CDK5RAP2: variants seen among roughly 807,000 people sequenced by gnomAD.
The protein encoded by CDK5RAP2 is CDK5 regulatory subunit associated protein 2.
A neutral mutation model predicts 232.9 loss-of-function variants in CDK5RAP2; 147 were observed. That is an observed-to-expected ratio of 0.63 (90% confidence interval 0.55 to 0.72). CDK5RAP2 has a LOEUF of 0.72. Ranked by LOEUF, CDK5RAP2 falls within the 30% of genes least tolerant of loss-of-function variation. CDK5RAP2 has a pLI of 0.00. For synonymous variants in CDK5RAP2, 833 were observed against 833.7 expected (o/e 1.00, Z 0.01); for missense variants, 2,195 against 2,231.5 (o/e 0.98, Z 0.33).
rs538954266 is a variant in CDK5RAP2 at position 120,552,029 on chromosome 9, A to G, written c.196-1127T>C. Among the ~76,000 whole-genome samples, 52 of 152,048 alleles carry G rather than the reference A, an allele frequency of 3.4e-4. No individual in the cohort carries two copies. The East Asian group carries it at 6.4e-3, about 19-fold the overall frequency. ...CAAACAACCCCATCAAAAAGTGGGC[A>G]AAGGATATGAACAGACACTTCTCAA... On this transcript the variant is annotated intron_variant, in intron 3 of 37. Transcript: ENST00000349780.
At chr9:120,389,316 G>A (rs774132444) in intron 37 of CDK5RAP2, 24 bp from the exon 38 acceptor site, 2 of 1,603,016 alleles carry the variant, frequency 1.2e-6, no homozygotes, top group Admixed American at 1.7e-5. Flanking sequence ...GAAAAAAAAG[G>A]AGAATTTTAA....
chr9:120,457,121 G>A (rs958821180), intron 20 of CDK5RAP2, among the ~76,000 whole-genome samples: 4 of 152,254 alleles, frequency 2.6e-5, no homozygotes, highest in Non-Finnish European at 4.4e-5. Context: ...ACTGTGAGAG[G>A]GGGATTTTTT....
chr9:120,531,110 C>T (rs2041132431), intron 7 of CDK5RAP2, among the ~76,000 whole-genome samples: 1 of 152,134 alleles, frequency 6.6e-6, no homozygotes, highest in African/African-American at 2.4e-5. Context: ...GCCCTGCCGA[C>T]AGCTTCAGTC....
At chr9:120,401,342 C>T (rs1213923512) in intron 34 of CDK5RAP2, among the ~76,000 whole-genome samples, 3 of 152,000 alleles carry the variant, frequency 2.0e-5, no homozygotes, top group Admixed American at 1.3e-4. Flanking sequence ...TCAAATTGGG[C>T]GGTATCAAGG....
intron 12 of CDK5RAP2, among the ~76,000 whole-genome samples, chr9:120,512,863 A>T (rs1171822781): frequency 6.6e-6 from 1 of 151,574 alleles, no homozygotes; most frequent in Non-Finnish European, 1.5e-5. Flanking sequence ...AATCTTTGTA[A>T]ACTGTAAAGT....
intron 36 of CDK5RAP2, among the ~76,000 whole-genome samples, chr9:120,392,727 T>G (rs985317756): frequency 3.3e-5 from 5 of 152,098 alleles, no homozygotes; most frequent in Non-Finnish European, 7.4e-5. Flanking sequence ...TCTCTACGAG[T>G]GACACGAAAC....
intron 1 of CDK5RAP2, among the ~76,000 whole-genome samples, chr9:120,579,128 CA>C (rs1274434810): frequency 6.6e-6 from 1 of 152,172 alleles, no homozygotes; most frequent in Non-Finnish European, 1.5e-5. Context: ...TGGGGACTCC[CA>C]CAGTCTCTTG....
chr9:120,400,484 G>A (rs1451533105), intron 35 of CDK5RAP2, among the ~76,000 whole-genome samples: 3 of 152,214 alleles, frequency 2.0e-5, no homozygotes, highest in Admixed American at 2.0e-4. Flanking sequence ...TCAGCTCCCT[G>A]AGTCCTGGTT....
At chr9:120,498,735 A>AT (rs2039435666) in intron 12 of CDK5RAP2, among the ~76,000 whole-genome samples, 1 of 151,866 alleles carries the variant, frequency 6.6e-6, no homozygotes, top group South Asian at 2.1e-4. Context: ...ATATATATAT[A>AT]TATCAACGGG....
intron 12 of CDK5RAP2, among the ~76,000 whole-genome samples, chr9:120,500,444 T>C (rs1375906431): frequency 6.6e-6 from 1 of 152,234 alleles, no homozygotes; most frequent in Non-Finnish European, 1.5e-5. Context: ...TGGGAGTTTT[T>C]TGTTGCACCA....
At chr9:120,571,172 T>C (rs2042842990) in intron 2 of CDK5RAP2, among the ~76,000 whole-genome samples, 1 of 151,890 alleles carries the variant, frequency 6.6e-6, no homozygotes, top group Non-Finnish European at 1.5e-5. Flanking sequence ...AAATAAAAAG[T>C]AAAAATAAAG....
intron 3 of CDK5RAP2, among the ~76,000 whole-genome samples, chr9:120,560,107 C>G (rs971658416): frequency 6.6e-6 from 1 of 152,222 alleles, no homozygotes; most frequent in Admixed American, 6.5e-5. Context: ...CCACCCAAGA[C>G]AGCAAGAGCT....
At position 120,547,153 on chromosome 9, in the gene CDK5RAP2, T is replaced by C. The variant is rs142346679; in HGVS notation, c.307-1363A>G. 2.6e-3 allele frequency among the ~76,000 whole-genome samples: 390 copies of C among 152,068 alleles called. 4 individuals are homozygous for C. The highest frequency in any genetic ancestry group is 9.0e-3 in the African/African-American group (372 of 41,534). On this transcript the variant is annotated intron_variant, in intron 4 of 37. Transcript: ENST00000349780. ...GTAGGCACCTGCAACCACGCCCAGC[T>C]AATTTTTTGTATTTTTAGTTGAGAC...
chr9:120,555,307 A>AT (rs1029600197), intron 3 of CDK5RAP2, among the ~76,000 whole-genome samples: 9 of 150,710 alleles, frequency 6.0e-5, no homozygotes, highest in Non-Finnish European at 7.4e-5. Context: ...AAGTTTTTGT[A>AT]TTTTTTTTTA....
At chr9:120,396,799 ATTG>A (rs1274625485) in intron 35 of CDK5RAP2, among the ~76,000 whole-genome samples, 2 of 152,206 alleles carry the variant, frequency 1.3e-5, no homozygotes, top group African/African-American at 4.8e-5. Flanking sequence ...GGGAATTTTA[ATTG>A]TTTACATGTC....
At chr9:120,445,450 C>A (rs575546865) in intron 22 of CDK5RAP2, among the ~76,000 whole-genome samples, 1 of 152,180 alleles carries the variant, frequency 6.6e-6, no homozygotes, top group Non-Finnish European at 1.5e-5. Context: ...TTCCTCAGGG[C>A]TGTCCATGCT....
intron 7 of CDK5RAP2, among the ~76,000 whole-genome samples, chr9:120,533,881 T>C (rs1468708210): frequency 6.7e-6 from 1 of 149,242 alleles, no homozygotes; most frequent in Non-Finnish European, 1.5e-5. Flanking sequence ...ATCCAGTCAG[T>C]CACCAAGCCC....
intron 12 of CDK5RAP2, among the ~76,000 whole-genome samples, chr9:120,508,345 G>A (rs2039928340): frequency 6.6e-6 from 1 of 152,138 alleles, no homozygotes; most frequent in African/African-American, 2.4e-5. Flanking sequence ...GTGGGTGCCA[G>A]GCCTCCTACC....
At chr9:120,546,377 T>C (rs2132030013) in intron 4 of CDK5RAP2, among the ~76,000 whole-genome samples, 1 of 152,308 alleles carries the variant, frequency 6.6e-6, no homozygotes, top group East Asian at 1.9e-4. Flanking sequence ...CAACCAAATG[T>C]CTTCCTCTTA....
Sources: allele counts gnomAD v4.1 joint callset (sites outside exome capture counted in the v4.1 genomes callset), GRCh38; gene constraint gnomAD v4.1.1; transcripts MANE v1.5; gene names NCBI Gene and HGNC (gene_info 2026-07-23, HGNC 2026-07-21).